FMN2: variants seen among roughly 807,000 people sequenced by gnomAD.
FMN2 encodes the protein formin-2.
Under a neutral mutation model 142.3 loss-of-function variants are expected in FMN2, and 51 were observed. The observed-to-expected ratio is 0.36, with a 90% CI of 0.29 to 0.45. The LOEUF is 0.45. FMN2 is among the 20% of genes least tolerant of loss of function. The probability of loss-of-function intolerance (pLI) is 1.00; values close to 1 mark genes in which losing one functional copy is unlikely to be tolerated. For synonymous variants in FMN2, 882 were observed against 869.8 expected (o/e 1.01, Z -0.25); for missense variants, 1,936 against 2,122.8 (o/e 0.91, Z 1.73).
intron 7 of FMN2, among the ~76,000 whole-genome samples, chr1:240,292,756 G>A (rs1018902338): frequency 2.0e-5 from 3 of 152,128 alleles, no homozygotes; most frequent in Non-Finnish European, 4.4e-5. Flanking sequence ...ATGGCACTTC[G>A]ATAATTGTAA....
intron 14 of FMN2, among the ~76,000 whole-genome samples, chr1:240,358,562 C>G (rs1375448860): frequency 6.6e-6 from 1 of 152,090 alleles, no homozygotes; most frequent in Non-Finnish European, 1.5e-5. Flanking sequence ...GGGGAGGCCT[C>G]AGGAAACTTA....
At chr1:240,423,733 C>A (rs1201082533) in intron 15 of FMN2, among the ~76,000 whole-genome samples, 1 of 152,172 alleles carries the variant, frequency 6.6e-6, no homozygotes, top group Non-Finnish European at 1.5e-5. Flanking sequence ...CGCCAAAAGG[C>A]CAGTCCAATC....
At chr1:240,143,111 C>T (rs1663263687) in intron 2 of FMN2, 1 of 1,545,350 alleles carries the variant, frequency 6.5e-7, no homozygotes, top group Non-Finnish European at 8.9e-7. Flanking sequence ...CCAAGTGCAC[C>T]ATGAAGAGGT....
chr1:240,410,915 A>G (rs1409387608), intron 15 of FMN2, among the ~76,000 whole-genome samples: 1 of 151,910 alleles, frequency 6.6e-6, no homozygotes, highest in Non-Finnish European at 1.5e-5. Context: ...CCTCTCTTAT[A>G]TTTTTCTCAG....
rs567904918 is a variant in FMN2 at position 240,443,889 on chromosome 1, T to C, written c.5060+5679T>C. Reference sequence around the variant, plus strand: ...TGGGTAAGGAAATAGGCAATCTTCATCTCTTATTTTCAGGAAGGCATTGGC... The same window carrying C: ...TGGGTAAGGAAATAGGCAATCTTCACCTCTTATTTTCAGGAAGGCATTGGC... On this transcript the variant is annotated intron_variant, in intron 16 of 17. Transcript: ENST00000319653. Among the ~76,000 whole-genome samples, 3 of 152,248 alleles carry C rather than the reference T, an allele frequency of 2.0e-5. No homozygotes were observed. The East Asian group carries it at 5.8e-4, about 29-fold the overall frequency.
At chr1:240,241,188 G>A (rs971395098) in intron 6 of FMN2, among the ~76,000 whole-genome samples, 3 of 149,758 alleles carry the variant, frequency 2.0e-5, no homozygotes, top group Admixed American at 6.6e-5. Context: ...TTTCTTCATC[G>A]GTTTGTTTGG....
intron 2 of FMN2, among the ~76,000 whole-genome samples, chr1:240,145,896 A>G (rs1019256531): frequency 6.6e-6 from 1 of 152,062 alleles, no homozygotes; most frequent in Non-Finnish European, 1.5e-5. Context: ...GTGTGTTAGA[A>G]TGCTACAACA....
intron 7 of FMN2, among the ~76,000 whole-genome samples, chr1:240,260,414 A>G (rs886853186): frequency 7.2e-5 from 11 of 151,744 alleles, no homozygotes; most frequent in Non-Finnish European, 1.3e-4. Flanking sequence ...GCCAACATCT[A>G]TTATTTTTTT....
At chr1:240,128,658 G>A (rs1341130965) in intron 2 of FMN2, among the ~76,000 whole-genome samples, 1 of 152,118 alleles carries the variant, frequency 6.6e-6, no homozygotes. Context: ...ATGAATATGT[G>A]AGCGAAGCTA....
intron 8 of FMN2, among the ~76,000 whole-genome samples, chr1:240,309,875 G>T: frequency 6.6e-6 from 1 of 152,246 alleles, no homozygotes; most frequent in Non-Finnish European, 1.5e-5. Flanking sequence ...GTCTCATCTG[G>T]CATGACAGTC....
chr1:240,186,879 C>A (rs1218167141), intron 3 of FMN2, among the ~76,000 whole-genome samples: 1 of 151,886 alleles, frequency 6.6e-6, no homozygotes, highest in African/African-American at 2.4e-5. Flanking sequence ...GTATGTTAAG[C>A]TGTTTAAATA....
At chr1:240,296,438 C>CTTTTTTTTTTTT (rs772711130) in intron 8 of FMN2, among the ~76,000 whole-genome samples, 4 of 46,916 alleles carry the variant, frequency 8.5e-5, no homozygotes, top group East Asian at 7.9e-4. Context: ...TCTTTGAGTG[C>CTTTTTTTTTTTT]TTTTTTTTTT....
chr1:240,248,511 T>G (rs1668164250), intron 6 of FMN2, among the ~76,000 whole-genome samples: 2 of 151,066 alleles, frequency 1.3e-5, no homozygotes, highest in African/African-American at 2.4e-5. Context: ...TGTCCATTGA[T>G]GGACACAGGT....
chr1:240,102,019 C>G (rs532476037), intron 1 of FMN2, among the ~76,000 whole-genome samples: 1 of 152,176 alleles, frequency 6.6e-6, no homozygotes, highest in South Asian at 2.1e-4. Flanking sequence ...GTTTAAACTG[C>G]TCAATAAAAG....
chr1:240,372,953 GAGGCGGACAA>G (rs1460808792), intron 14 of FMN2, among the ~76,000 whole-genome samples: 2 of 152,196 alleles, frequency 1.3e-5, no homozygotes, highest in Non-Finnish European at 2.9e-5. Flanking sequence ...CTGGGAGGCT[GAGGCGGACAA>G]ATCATGAGGT....
At chr1:240,297,470 C>T (rs970950483) in intron 8 of FMN2, among the ~76,000 whole-genome samples, 2 of 151,248 alleles carry the variant, frequency 1.3e-5, no homozygotes, top group Non-Finnish European at 2.9e-5. Context: ...GGCCCGGGCA[C>T]GTGTAATCCC....
Position 240,207,243 on chromosome 1 carries a change from C to T in FMN2, c.2431C>T (p.Pro811Ser). ...HQPTQSISQPPPPPSLLWSAG... is the reference protein window; with the variant it reads ...HQPTQSISQPSPPPSLLWSAG... Reference sequence around the variant, plus strand: ...GCCCACACAGAGCATCTCACAGCCTCCACCACCTCCATCCCTTCTGTGGTC... The same window carrying T: ...GCCCACACAGAGCATCTCACAGCCTTCACCACCTCCATCCCTTCTGTGGTC... Residue 811 changes from proline to serine, a missense_variant, in exon 5 of 18, where the codon CCA (proline) becomes TCA (serine). By Grantham distance (74) the Pro-to-Ser change is moderately conservative (BLOSUM62 -1). Coordinates refer to ENST00000319653, the MANE Select transcript of FMN2 (RefSeq NM_020066.5). The T allele has an allele frequency of 1.2e-6, 2 of 1,614,006 alleles. No homozygotes were observed.
intron 4 of FMN2, among the ~76,000 whole-genome samples, chr1:240,196,227 G>T (rs1277843174): frequency 6.6e-6 from 1 of 152,218 alleles, no homozygotes; most frequent in African/African-American, 2.4e-5. Context: ...AATGTAGAAT[G>T]ATAGGAAGAG....
intron 15 of FMN2, among the ~76,000 whole-genome samples, chr1:240,429,883 TG>T (rs201141454): frequency 2.5e-4 from 36 of 143,546 alleles, no homozygotes; most frequent in African/African-American, 9.5e-4. Context: ...TGTTTTTTTT[TG>T]TTTTTTTTTT....
Sources: gnomAD v4.1 joint callset for allele counts (sites outside exome capture counted in the v4.1 genomes callset) on GRCh38, gnomAD v4.1.1 for gene constraint, MANE v1.5 for transcripts, NCBI Gene and HGNC (gene_info 2026-07-23, HGNC 2026-07-21) for gene names.